Variants in FOXP1 observed in about 807,000 individuals in gnomAD.
FOXP1 encodes the protein forkhead box protein P1.
A neutral mutation model predicts 98.2 loss-of-function variants in FOXP1; 15 were observed. The ratio of observed to expected loss-of-function variants is 0.15; its 90% CI spans 0.10 to 0.24. The LOEUF is 0.24. Ranked by LOEUF, FOXP1 falls within the 10% of genes least tolerant of loss-of-function variation. The pLI, the probability that FOXP1 is intolerant of heterozygous loss-of-function variation, is 1.00. For synonymous variants in FOXP1, 371 were observed against 314.5 expected (o/e 1.18, Z -1.90); for missense variants, 633 against 848.5 (o/e 0.75, Z 3.15).
rs2106850795 is a variant in FOXP1, at chr3:70,959,170, T to C, written c.*77A>G. 6.5e-7 allele frequency: 1 copy of C among 1,543,314 alleles called. No individual in the cohort carries two copies. On this transcript the variant is annotated 3_prime_UTR_variant, in exon 21 of 21. Coordinates refer to ENST00000649528, the MANE Select transcript of FOXP1 (RefSeq NM_001349338.3). Reference sequence around the variant, plus strand: ...ACTGTACAACAAATGGAGAACAATTTCACTGCTAACTTTTGACGTGTTTTT... The same window carrying C: ...ACTGTACAACAAATGGAGAACAATTCCACTGCTAACTTTTGACGTGTTTTT...
intron 5 of FOXP1, among the ~76,000 whole-genome samples, chr3:71,275,134 C>T (rs2070758999): frequency 6.6e-6 from 1 of 152,140 alleles, no homozygotes; most frequent in African/African-American, 2.4e-5. Flanking sequence ...ATTTCTTTTT[C>T]TCCCACTTCA....
At chr3:71,496,469 G>A (rs893762879) in intron 2 of FOXP1, among the ~76,000 whole-genome samples, 5 of 152,102 alleles carry the variant, frequency 3.3e-5, no homozygotes, top group Admixed American at 1.3e-4. Flanking sequence ...TGGGAGTTTC[G>A]TTTTCATTCG....
intron 7 of FOXP1, chr3:71,064,966 G>A: frequency 6.1e-6 from 1 of 165,184 alleles, no homozygotes; most frequent in Non-Finnish European, 1.2e-5. Context: ...GACAAGACGC[G>A]CCGCGCCGCG....
intron 5 of FOXP1, among the ~76,000 whole-genome samples, chr3:71,225,512 G>A (rs1159874678): frequency 1.0e-5 from 1 of 100,290 alleles, no homozygotes. Context: ...TAATTATGAC[G>A]AGGAAGGAAA....
At chr3:71,184,758 T>C (rs970647438) in intron 6 of FOXP1, among the ~76,000 whole-genome samples, 5 of 143,836 alleles carry the variant, frequency 3.5e-5, no homozygotes, top group African/African-American at 1.3e-4. Context: ...CTGTGTAACG[T>C]TTTTTTTTTT....
intron 3 of FOXP1, among the ~76,000 whole-genome samples, chr3:71,384,301 T>C (rs145267002): frequency 1.3e-3 from 200 of 152,250 alleles, no homozygotes; most frequent in African/African-American, 4.7e-3. Context: ...GCAAACTTCC[T>C]CCAACTCCCT....
At chr3:71,175,527 T>TGA (rs1381204314) in intron 6 of FOXP1, among the ~76,000 whole-genome samples, 3 of 152,104 alleles carry the variant, frequency 2.0e-5, no homozygotes, top group Non-Finnish European at 2.9e-5. Context: ...TTTTCAAAGG[T>TGA]GAGAGAGAGA....
chr3:71,482,391 C>T (rs1267248652), intron 3 of FOXP1, among the ~76,000 whole-genome samples: 9 of 113,532 alleles, frequency 7.9e-5, no homozygotes, highest in Admixed American at 4.7e-4. Flanking sequence ...TTTTTTGAGA[C>T]GGAGTCTTGC....
At chr3:71,103,959 C>A (rs6549377) in intron 7 of FOXP1, among the ~76,000 whole-genome samples, 112,637 of 151,458 alleles carry the variant, frequency 0.74, 42,262 homozygotes, top group Admixed American at 0.79. Context: ...GTTCCCCCCC[C>A]AAAAAAAGAG....
chr3:71,482,815 G>T (rs986474495), intron 3 of FOXP1, among the ~76,000 whole-genome samples: 1 of 150,990 alleles, frequency 6.6e-6, no homozygotes, highest in African/African-American at 2.4e-5. Context: ...GTTAGGAAGA[G>T]ACTATAGTTC....
At chr3:71,056,520 C>T (rs2050668707) in intron 7 of FOXP1, among the ~76,000 whole-genome samples, 1 of 152,100 alleles carries the variant, frequency 6.6e-6, no homozygotes, top group South Asian at 2.1e-4. Flanking sequence ...GCAGGCACTG[C>T]CAAAGGAGGG....
intron 5 of FOXP1, among the ~76,000 whole-genome samples, chr3:71,211,294 C>G (rs1298511247): frequency 6.6e-6 from 1 of 152,142 alleles, no homozygotes; most frequent in East Asian, 1.9e-4. Flanking sequence ...GCAACCTCTT[C>G]CTCTTGGTTC....
At chr3:71,056,765 AG>A (rs945174392) in intron 7 of FOXP1, among the ~76,000 whole-genome samples, 2 of 152,214 alleles carry the variant, frequency 1.3e-5, no homozygotes, top group Admixed American at 6.5e-5. Flanking sequence ...GTTATGGAAA[AG>A]CTTTAACAAA....
chr3:71,048,384 G>C (rs2049336089), intron 9 of FOXP1, among the ~76,000 whole-genome samples: 1 of 152,052 alleles, frequency 6.6e-6, no homozygotes, highest in South Asian at 2.1e-4. Flanking sequence ...AAAGTTCAAA[G>C]AAAGAGAAAA....
intron 3 of FOXP1, among the ~76,000 whole-genome samples, chr3:71,382,974 G>T (rs1311692497): frequency 6.6e-6 from 1 of 152,214 alleles, no homozygotes; most frequent in Non-Finnish European, 1.5e-5. Context: ...GTGTGGGTAT[G>T]AGAACTTGAA....
chr3:71,056,429 T>C (rs1344117723), intron 7 of FOXP1, among the ~76,000 whole-genome samples: 1 of 152,220 alleles, frequency 6.6e-6, no homozygotes, highest in African/African-American at 2.4e-5. Flanking sequence ...CGGAACAGGA[T>C]AATGAACTTG....
chr3:71,028,980 T>C (rs1348712644), intron 11 of FOXP1, among the ~76,000 whole-genome samples: 8 of 152,152 alleles, frequency 5.3e-5, no homozygotes, highest in Admixed American at 4.6e-4. Context: ...ATGTGAGCGA[T>C]GGGGAGCGGC....
chr3:71,460,523 G>A (rs1244949167), intron 3 of FOXP1, among the ~76,000 whole-genome samples: 9 of 151,658 alleles, frequency 5.9e-5, no homozygotes, highest in Non-Finnish European at 1.2e-4. Context: ...TGCAATCTCC[G>A]CCTCCCGAGT....
At chr3:71,027,710 C>T (rs1456591477) in intron 11 of FOXP1, among the ~76,000 whole-genome samples, 2 of 152,134 alleles carry the variant, frequency 1.3e-5, no homozygotes, top group African/African-American at 4.8e-5. Flanking sequence ...TCTGTATACA[C>T]ATATTAATAT....
Sources: gnomAD v4.1 joint callset for allele counts (sites outside exome capture counted in the v4.1 genomes callset) on GRCh38, gnomAD v4.1.1 for gene constraint, MANE v1.5 for transcripts, NCBI Gene and HGNC (gene_info 2026-07-23, HGNC 2026-07-21) for gene names.